TINAG: variants seen among roughly 807,000 people sequenced by gnomAD.
TINAG encodes the protein tubulointerstitial nephritis antigen.
TINAG carries 83 observed loss-of-function variants against 72.7 expected under a neutral mutation model. That is an observed-to-expected ratio of 1.14 (90% CI 0.96 to 1.37). TINAG has a LOEUF of 1.37. Ranked by LOEUF, TINAG falls within the 40% of genes most tolerant of loss-of-function variation. TINAG has a pLI of 0.00. For missense variants in TINAG, 685 were observed against 576.6 expected, an observed-to-expected ratio of 1.19 and a Z score of -1.93; for synonymous variants, 234 against 189.9, an observed-to-expected ratio of 1.23 and a Z score of -1.91.
At chr6:54,333,571 C>A (rs1784793068) in intron 4 of TINAG, among the ~76,000 whole-genome samples, 1 of 151,100 alleles carries the variant, frequency 6.6e-6, no homozygotes, top group South Asian at 2.1e-4. Flanking sequence ...ACCTTTGTAA[C>A]AAACCTGCAC....
intron 9 of TINAG, among the ~76,000 whole-genome samples, chr6:54,372,312 T>C (rs547361071): frequency 1.3e-5 from 2 of 152,130 alleles, no homozygotes; most frequent in African/African-American, 4.8e-5. Context: ...TTAATGTCTA[T>C]AGACACTTCA....
At chr6:54,368,117 C>A (rs1010163786) in intron 9 of TINAG, among the ~76,000 whole-genome samples, 4 of 151,078 alleles carry the variant, frequency 2.6e-5, no homozygotes, top group African/African-American at 9.7e-5. Flanking sequence ...TTGAGTAAAC[C>A]CCATTATTGT....
intron 9 of TINAG, among the ~76,000 whole-genome samples, chr6:54,356,653 C>CA (rs1278635016): frequency 6.6e-6 from 1 of 151,752 alleles, no homozygotes; most frequent in Non-Finnish European, 1.5e-5. Flanking sequence ...GTTTGACAAA[C>CA]AAAAATAGAA....
chr6:54,330,708 G>A (rs779684342), intron 4 of TINAG, among the ~76,000 whole-genome samples: 1 of 152,086 alleles, frequency 6.6e-6, no homozygotes, highest in Non-Finnish European at 1.5e-5. Flanking sequence ...TAGACCGCTA[G>A]CCAGATTAAT....
At chr6:54,371,885 A>C (rs930477952) in intron 9 of TINAG, among the ~76,000 whole-genome samples, 14 of 151,570 alleles carry the variant, frequency 9.2e-5, no homozygotes, top group Admixed American at 3.3e-4. Flanking sequence ...AGGTGATTAC[A>C]GTCAGTTCCT....
At chr6:54,345,272 CATT>C (rs1355627863) in intron 5 of TINAG, among the ~76,000 whole-genome samples, 3 of 152,138 alleles carry the variant, frequency 2.0e-5, no homozygotes, top group Non-Finnish European at 4.4e-5. Flanking sequence ...GCTAAACCAT[CATT>C]GAGATTCAGA....
intron 4 of TINAG, among the ~76,000 whole-genome samples, chr6:54,338,030 T>A (rs1422998490): frequency 6.6e-6 from 1 of 152,220 alleles, no homozygotes; most frequent in Non-Finnish European, 1.5e-5. Context: ...TTACTACTTC[T>A]GTCTCTCTCA....
intron 3 of TINAG, among the ~76,000 whole-genome samples, chr6:54,325,236 C>A (rs1036065301): frequency 1.7e-4 from 26 of 152,208 alleles, no homozygotes; most frequent in Admixed American, 1.7e-3. Flanking sequence ...TAACAAATGG[C>A]ACATGCCAAA....
intron 4 of TINAG, chr6:54,327,186 G>C: frequency 6.5e-7 from 1 of 1,542,108 alleles, no homozygotes; most frequent in Non-Finnish European, 8.8e-7. Context: ...GAACAGCTCT[G>C]GTTGGCAGCT....
intron 9 of TINAG, among the ~76,000 whole-genome samples, chr6:54,377,992 C>T (rs1348508776): frequency 6.6e-6 from 1 of 151,976 alleles, no homozygotes; most frequent in East Asian, 1.9e-4. Flanking sequence ...CATCCCATTG[C>T]AACTCTATGA....
At chr6:54,329,028 G>C (rs1049095407) in intron 4 of TINAG, among the ~76,000 whole-genome samples, 2 of 152,146 alleles carry the variant, frequency 1.3e-5, no homozygotes, top group South Asian at 4.2e-4. Context: ...AGGGCGAATA[G>C]AACCAAGTTG....
At chr6:54,336,599 A>T (rs1310770098) in intron 4 of TINAG, among the ~76,000 whole-genome samples, 1 of 152,304 alleles carries the variant, frequency 6.6e-6, no homozygotes, top group Admixed American at 6.5e-5. Context: ...TTGAAAAAAT[A>T]CTATTTTCAC....
At chr6:54,336,566 A>G (rs972346479) in intron 4 of TINAG, among the ~76,000 whole-genome samples, 3 of 152,188 alleles carry the variant, frequency 2.0e-5, no homozygotes, top group African/African-American at 4.8e-5. Context: ...ACTGTGTTAT[A>G]TCTTATAAAT....
chr6:54,388,276 G>A (rs1582769297), intron 10 of TINAG, among the ~76,000 whole-genome samples: 3 of 152,078 alleles, frequency 2.0e-5, no homozygotes, highest in Non-Finnish European at 2.9e-5. Context: ...ACACATTGAC[G>A]CTGTTTCCTT....
At chr6:54,361,084 A>T (rs1763221116) in intron 9 of TINAG, among the ~76,000 whole-genome samples, 3 of 151,078 alleles carry the variant, frequency 2.0e-5, no homozygotes, top group Non-Finnish European at 4.4e-5. Flanking sequence ...AACAGCACCC[A>T]TATAAGATGG....
In TINAG at chr6:54,374,689, A is replaced by G. The variant is rs1763729067; in HGVS notation, c.1251-5837A>G. ...GTCTTACCTCTGAAAGCAAAATCCT[A>G]TATCCAGTGTAGTTGTATCATTGTT... On this transcript the variant is annotated intron_variant, in intron 9 of 10. Coordinates refer to ENST00000259782, the MANE Select transcript of TINAG (RefSeq NM_014464.4). Among the ~76,000 whole-genome samples the G allele has an allele frequency of 1.3e-5, 2 of 152,058 alleles. 1 individual carries two copies. The highest frequency in any genetic ancestry group is 4.1e-4 in the South Asian group (2 of 4,832).
At position 54,389,887 on chromosome 6, in the gene TINAG, G is replaced by A. The variant is rs149769115; in HGVS notation, c.1393G>A (p.Ala465Thr). The A allele has an allele frequency of 4.3e-4, 695 of 1,610,450 alleles. 1 individual carries two copies. The highest frequency in any genetic ancestry group is 5.6e-4 in the Non-Finnish European group (660 of 1,178,530). The change falls in exon 11 of 11, where the codon GCA (alanine) becomes ACA (threonine). Residue 465 changes from alanine to threonine, a missense_variant. Ala to Thr is a moderately conservative substitution (Grantham distance 58). Transcript: ENST00000259782. ...GTCCGACATTGAAAAGTTGATTATC[G>A]CAGCTTGGGGCCAACTGACGAGTTC... ...NESDIEKLII[A>T]AWGQLTSSDE... is the part of the protein sequence containing the mutation.
chr6:54,361,736 G>A (rs1447606324), intron 9 of TINAG, among the ~76,000 whole-genome samples: 3 of 151,568 alleles, frequency 2.0e-5, no homozygotes, highest in Non-Finnish European at 3.0e-5. Flanking sequence ...TAACCCTCTT[G>A]TACTAAAAAA....
chr6:54,370,775 T>A (rs1003630647), intron 9 of TINAG, among the ~76,000 whole-genome samples: 13 of 151,884 alleles, frequency 8.6e-5, no homozygotes, highest in Non-Finnish European at 1.8e-4. Context: ...ATGGGCTTTA[T>A]TTTTTTTCTG....
Sources: allele counts gnomAD v4.1 joint callset (sites outside exome capture counted in the v4.1 genomes callset), GRCh38; gene constraint gnomAD v4.1.1; transcripts MANE v1.5; gene names NCBI Gene and HGNC (gene_info 2026-07-23, HGNC 2026-07-21).